Variants in SLC44A1 observed in about 807,000 individuals in gnomAD.
SLC44A1 encodes the protein solute carrier family 44 member 1, also known as choline transporter-like protein 1.
In SLC44A1, 26 loss-of-function variants were observed where a neutral mutation model predicts 79.3. That is an observed-to-expected ratio of 0.33 (90% confidence interval 0.24 to 0.46). SLC44A1 has a LOEUF of 0.46. Ranked by LOEUF, SLC44A1 falls within the 20% of genes least tolerant of loss-of-function variation. SLC44A1 has a pLI of 1.00. For missense variants in SLC44A1, 688 were observed against 798.1 expected, an observed-to-expected ratio of 0.86 and a Z score of 1.66; for synonymous variants, 263 against 286.2, an observed-to-expected ratio of 0.92 and a Z score of 0.82.
chr9:105,401,692 C>A (rs1236821685), downstream of SLC44A1, among the ~76,000 whole-genome samples: 3 of 152,124 alleles, frequency 2.0e-5, no homozygotes, highest in African/African-American at 4.8e-5. Context: ...TCTCACATTT[C>A]CTGGAAATTG....
intron 15 of SLC44A1, among the ~76,000 whole-genome samples, chr9:105,410,850 C>T (rs1333840519): frequency 6.6e-6 from 1 of 152,068 alleles, no homozygotes; most frequent in Non-Finnish European, 1.5e-5. Flanking sequence ...TACTACTCAG[C>T]TGTAAAAAGA....
chr9:105,273,406 A>G (rs1055758815), intron 1 of SLC44A1, among the ~76,000 whole-genome samples: 1 of 152,210 alleles, frequency 6.6e-6, no homozygotes, highest in Non-Finnish European at 1.5e-5. Context: ...TATTGTCAAC[A>G]TGGTTCATGT....
intron 4 of SLC44A1, among the ~76,000 whole-genome samples, chr9:105,340,137 A>G (rs1408546360): frequency 6.6e-6 from 1 of 152,236 alleles, no homozygotes; most frequent in Non-Finnish European, 1.5e-5. Context: ...GCATATAGTT[A>G]ATAGTGCTGT....
intron 13 of SLC44A1, among the ~76,000 whole-genome samples, chr9:105,376,144 T>C (rs933424951): frequency 3.9e-5 from 6 of 152,136 alleles, no homozygotes; most frequent in Non-Finnish European, 8.8e-5. Flanking sequence ...AAAGAAAATA[T>C]GTTTGGCATG....
intron 4 of SLC44A1, among the ~76,000 whole-genome samples, chr9:105,348,154 T>C (rs567411589): frequency 2.0e-5 from 3 of 152,248 alleles, no homozygotes; most frequent in African/African-American, 7.2e-5. Context: ...TTAATTAAAA[T>C]TTGTACATGA....
intron 7 of SLC44A1, 64 bp downstream of exon 7, chr9:105,358,497 T>TAA (rs1827688281): frequency 2.4e-6 from 2 of 848,994 alleles, no homozygotes; most frequent in South Asian, 2.9e-5. Context: ...AAAATAGAAA[T>TAA]ATAAAGAAGA....
chr9:105,394,075 C>CTG lies in SLC44A1; in HGVS notation c.*5022_*5023dup. The CTG allele has an allele frequency of 1.0e-6, 1 of 985,248 alleles. No individual in the cohort carries two copies. Among genetic ancestry groups the CTG allele is most frequent in the Non-Finnish European group, 1.2e-6 (1 of 829,758 alleles). The allele number at this position is 985,248 out of a possible 1,614,324, so 61.0% of individuals were successfully genotyped here. On this transcript the variant is annotated 3_prime_UTR_variant, in exon 16 of 16. Transcript: ENST00000374720. ...TTTCCTTCAAATGCACATCACATGT[C>CTG]TGTGAACACTCAAAATGCTCATAGA...
chr9:105,317,728 C>CT (rs1365203460), intron 3 of SLC44A1, among the ~76,000 whole-genome samples: 2 of 152,196 alleles, frequency 1.3e-5, no homozygotes, highest in African/African-American at 2.4e-5. Flanking sequence ...GCTCCTGACT[C>CT]TATCTTGTAC....
chr9:105,316,678 C>T (rs772706069), intron 3 of SLC44A1, among the ~76,000 whole-genome samples: 2 of 152,114 alleles, frequency 1.3e-5, no homozygotes, highest in African/African-American at 2.4e-5. Flanking sequence ...TATGACAGTT[C>T]AGTGATGAAA....
At chr9:105,367,779 G>T (rs1440682411) in intron 12 of SLC44A1, among the ~76,000 whole-genome samples, 2 of 151,988 alleles carry the variant, frequency 1.3e-5, no homozygotes, top group African/African-American at 2.4e-5. Context: ...CAGCCCCTCT[G>T]CTGAGCTTCT....
rs1417611050 is a variant in SLC44A1 at position 105,427,057 on chromosome 9, T to C, written c.1951-11224T>C. 2.0e-5 allele frequency among the ~76,000 whole-genome samples: 3 copies of C among 152,116 alleles called. No individual in the cohort carries two copies. In the East Asian group the frequency reaches 5.8e-4, roughly 29 times the overall value. ...CTCAAGCAGTTCTCCCATCTCAGCCTCTGGAGTAGCTGGGACTACAGGCCC... is the reference window on the plus strand; with the variant it reads ...CTCAAGCAGTTCTCCCATCTCAGCCCCTGGAGTAGCTGGGACTACAGGCCC... On this transcript the variant is annotated intron_variant, in intron 15 of 15. Transcript: ENST00000374724.
intron 1 of SLC44A1, among the ~76,000 whole-genome samples, chr9:105,249,773 G>T (rs1829539613): frequency 6.6e-6 from 1 of 150,672 alleles, no homozygotes; most frequent in Admixed American, 6.6e-5. Context: ...GACCTCAGAT[G>T]ATCCACCCGC....
chr9:105,374,871 T>C (rs1828228220), intron 13 of SLC44A1, 136 bp downstream of exon 13: 1 of 634,310 alleles, frequency 1.6e-6, no homozygotes, highest in Non-Finnish European at 2.8e-6. Flanking sequence ...CCTTACTGTG[T>C]GTCCAGCATT....
At chr9:105,398,656 C>T (rs1051153520), downstream of SLC44A1, among the ~76,000 whole-genome samples, 2 of 152,190 alleles carry the variant, frequency 1.3e-5, no homozygotes, top group African/African-American at 4.8e-5. Flanking sequence ...AACTTACACA[C>T]CCTATCTTAA....
intron 15 of SLC44A1, among the ~76,000 whole-genome samples, chr9:105,423,015 G>T (rs973029393): frequency 6.6e-6 from 1 of 152,164 alleles, no homozygotes; most frequent in African/African-American, 2.4e-5. Flanking sequence ...GGTACTTATT[G>T]AATGAACAAA....
chr9:105,270,930 G>A (rs895819615), intron 1 of SLC44A1, among the ~76,000 whole-genome samples: 1 of 152,188 alleles, frequency 6.6e-6, no homozygotes, highest in African/African-American at 2.4e-5. Flanking sequence ...AGGCGTTTCT[G>A]AACAAAGGCA....
intron 11 of SLC44A1, among the ~76,000 whole-genome samples, chr9:105,366,066 T>A (rs1303767087): frequency 6.6e-6 from 1 of 152,210 alleles, no homozygotes; most frequent in African/African-American, 2.4e-5. Flanking sequence ...GATTCTAACC[T>A]TTTTTGTGTT....
intron 3 of SLC44A1, 142 bp from the exon 4 acceptor site, chr9:105,335,421 T>G (rs973186056): frequency 1.9e-6 from 1 of 540,016 alleles, no homozygotes; most frequent in Admixed American, 3.6e-5. Context: ...AATAAGCAAT[T>G]TTTTTAAAAT....
At chr9:105,311,274 G>T (rs574084590) in intron 3 of SLC44A1, among the ~76,000 whole-genome samples, 1 of 152,144 alleles carries the variant, frequency 6.6e-6, no homozygotes, top group South Asian at 2.1e-4. Flanking sequence ...TTTGTAGATA[G>T]CATCTACTCT....
Sources: allele counts gnomAD v4.1 joint callset (sites outside exome capture counted in the v4.1 genomes callset), GRCh38; gene constraint gnomAD v4.1.1; transcripts MANE v1.5; gene names NCBI Gene and HGNC (gene_info 2026-07-23, HGNC 2026-07-21).